AUTS2: variants seen among roughly 807,000 people sequenced by gnomAD.
AUTS2 encodes activator of transcription and developmental regulator AUTS2.
Under a neutral mutation model 112.4 loss-of-function variants are expected in AUTS2, and 17 were observed. The ratio of observed to expected loss-of-function variants is 0.15; its 90% CI spans 0.10 to 0.23. AUTS2 has a LOEUF of 0.23. Ranked by LOEUF, AUTS2 falls within the 10% of genes least tolerant of loss-of-function variation. The probability of loss-of-function intolerance (pLI) is 1.00; values close to 1 mark genes in which losing one functional copy is unlikely to be tolerated. For synonymous variants in AUTS2, 751 were observed against 702.7 expected (o/e 1.07, Z -1.09); for missense variants, 1,510 against 1,701.6 (o/e 0.89, Z 1.98).
At chr7:69,703,900 G>C (rs1304421180) in intron 1 of AUTS2, among the ~76,000 whole-genome samples, 2 of 152,192 alleles carry the variant, frequency 1.3e-5, no homozygotes, top group African/African-American at 4.8e-5. Flanking sequence ...AGTGTTTCTA[G>C]AATGTGAAAA....
chr7:69,768,511 C>T (rs192325276), intron 1 of AUTS2, among the ~76,000 whole-genome samples: 1 of 152,252 alleles, frequency 6.6e-6, no homozygotes, highest in East Asian at 1.9e-4. Context: ...GTATTTACAG[C>T]TTTGCAGAGC....
intron 2 of AUTS2, among the ~76,000 whole-genome samples, chr7:69,957,541 A>G (rs944168949): frequency 4.6e-5 from 7 of 152,132 alleles, no homozygotes; most frequent in Non-Finnish European, 7.4e-5. Flanking sequence ...ATTTTATGAT[A>G]TATGTGATAT....
chr7:70,686,232 C>T (rs1442990539), intron 5 of AUTS2, among the ~76,000 whole-genome samples: 1 of 152,206 alleles, frequency 6.6e-6, no homozygotes, highest in Non-Finnish European at 1.5e-5. Flanking sequence ...TCCTAGGTGA[C>T]TTGTCACTAA....
chr7:70,581,322 G>A (rs553980816), intron 5 of AUTS2, among the ~76,000 whole-genome samples: 1 of 152,156 alleles, frequency 6.6e-6, no homozygotes, highest in African/African-American at 2.4e-5. Context: ...GGAGGCGGAG[G>A]TTGTGGTGAG....
intron 5 of AUTS2, among the ~76,000 whole-genome samples, chr7:70,488,567 G>T (rs1328029922): frequency 6.6e-6 from 1 of 152,130 alleles, no homozygotes; most frequent in Non-Finnish European, 1.5e-5. Flanking sequence ...CCTGAAAGCT[G>T]CAGGCCAAGC....
At chr7:70,337,037 A>C (rs1791022097) in intron 4 of AUTS2, among the ~76,000 whole-genome samples, 1 of 152,224 alleles carries the variant, frequency 6.6e-6, no homozygotes, top group Admixed American at 6.5e-5. Flanking sequence ...AAAACTCAGC[A>C]GACACGTACA....
rs1004964909 is a variant in AUTS2, at chr7:70,387,184, C to G, written c.661-48568C>G. On this transcript the variant is annotated intron_variant, in intron 4 of 18. Transcript: ENST00000342771. ...CTTTTGAAAGCACAGTTTGCTCTCT[C>G]TGTTGGTGCTTCTTTTCCACTCACT... Among the ~76,000 whole-genome samples, 7 of 152,190 alleles carry G rather than the reference C, an allele frequency of 4.6e-5. No individual in the cohort carries two copies. The South Asian group carries it at 1.4e-3, about 31-fold the overall frequency.
intron 6 of AUTS2, among the ~76,000 whole-genome samples, chr7:70,743,287 A>G (rs1470629290): frequency 2.0e-5 from 3 of 151,954 alleles, no homozygotes; most frequent in African/African-American, 7.3e-5. Context: ...GGCCAACACG[A>G]TGAAACCCCA....
chr7:70,174,564 C>T (rs749013643), intron 4 of AUTS2, among the ~76,000 whole-genome samples: 2 of 152,156 alleles, frequency 1.3e-5, no homozygotes, highest in Admixed American at 6.6e-5. Context: ...AGGAGAAGTC[C>T]CATGCCTAGC....
rs1198428169 is a variant in AUTS2 at position 70,791,551 on chromosome 7, T to TAAA, written c.*556_*558dup. ...CTTAATATCAGTGAACACAGTCGGC[T>TAAA]AAAGCTGTGTTCCCATATATTGTTA... On this transcript the variant is annotated 3_prime_UTR_variant, in exon 19 of 19. Coordinates refer to ENST00000342771, the MANE Select transcript of AUTS2 (RefSeq NM_015570.4). The TAAA allele has an allele frequency of 6.5e-6, 1 of 152,742 alleles. No individual in the cohort carries two copies. Among genetic ancestry groups the TAAA allele is most frequent in the Non-Finnish European group, 1.5e-5 (1 of 68,084 alleles). 9.5% of individuals were successfully genotyped at this position (152,742 alleles called of 1,614,324 possible). A position where few individuals can be genotyped will look rare whatever the true frequency, so the allele number is the denominator to read the frequency against.
At position 70,179,404 on chromosome 7, in the gene AUTS2, T is replaced by A. The variant is rs1809179889; in HGVS notation, c.660+44833T>A. ...ATCCGAAGGTGTTACATTGTGCTTT[T>A]CTTTTCATGCATTTTTAGCACCTGC... On this transcript the variant is annotated intron_variant, in intron 4 of 18. Transcript: ENST00000342771. Among the ~76,000 whole-genome samples, 10 of 152,322 alleles carry A rather than the reference T, an allele frequency of 6.6e-5. No homozygotes were observed. The South Asian group carries it at 2.1e-3, about 32-fold the overall frequency.
chr7:70,739,725 T>C (rs1787991427), intron 6 of AUTS2, among the ~76,000 whole-genome samples: 1 of 150,798 alleles, frequency 6.6e-6, no homozygotes, highest in South Asian at 2.1e-4. Context: ...CCCGGCCACG[T>C]GGTCACCAAG....
chr7:70,102,340 G>A (rs1355619785), intron 2 of AUTS2, among the ~76,000 whole-genome samples: 1 of 151,804 alleles, frequency 6.6e-6, no homozygotes, highest in African/African-American at 2.4e-5. Context: ...GGATATTCTT[G>A]ATCTCCTGAC....
intron 1 of AUTS2, among the ~76,000 whole-genome samples, chr7:69,849,472 C>T (rs1013034696): frequency 2.6e-5 from 4 of 152,200 alleles, no homozygotes; most frequent in South Asian, 2.1e-4. Flanking sequence ...TTCATCATCA[C>T]GAAGATCTCC....
intron 5 of AUTS2, among the ~76,000 whole-genome samples, chr7:70,484,850 A>T (rs1182040348): frequency 6.6e-6 from 1 of 152,244 alleles, no homozygotes; most frequent in Admixed American, 6.5e-5. Flanking sequence ...CTCAAAAAAG[A>T]TATACAAACA....
At chr7:70,299,537 G>C (rs1199694810) in intron 4 of AUTS2, among the ~76,000 whole-genome samples, 2 of 152,190 alleles carry the variant, frequency 1.3e-5, no homozygotes, top group East Asian at 3.9e-4. Context: ...GCTTGAAAAT[G>C]AGCGTGTGGT....
At chr7:69,711,203 C>T (rs116124218) in intron 1 of AUTS2, among the ~76,000 whole-genome samples, 22 of 152,088 alleles carry the variant, frequency 1.4e-4, no homozygotes, top group African/African-American at 5.3e-4. Flanking sequence ...TGGTTCTATC[C>T]CATTGCTTTG....
intron 1 of AUTS2, among the ~76,000 whole-genome samples, chr7:69,840,966 T>C (rs982982607): frequency 1.8e-4 from 28 of 152,140 alleles, no homozygotes; most frequent in South Asian, 2.1e-4. Context: ...AGAATAATCT[T>C]ATTAGAGAAT....
intron 1 of AUTS2, among the ~76,000 whole-genome samples, chr7:69,858,164 T>C (rs1792818521): frequency 6.6e-6 from 1 of 152,206 alleles, no homozygotes; most frequent in Non-Finnish European, 1.5e-5. Flanking sequence ...TTATGACCAC[T>C]TCTGGGGAAA....
Sources: allele counts gnomAD v4.1 joint callset (sites outside exome capture counted in the v4.1 genomes callset), GRCh38; gene constraint gnomAD v4.1.1; transcripts MANE v1.5; gene names NCBI Gene and HGNC (gene_info 2026-07-23, HGNC 2026-07-21).